Variants in ARFGEF3 observed in about 807,000 individuals in gnomAD.
ARFGEF3 encodes ARFGEF family member 3, also known as brefeldin A-inhibited guanine nucleotide-exchange protein 3.
Under a neutral mutation model 221.7 loss-of-function variants are expected in ARFGEF3, and 96 were observed. That is an observed-to-expected ratio of 0.43 (90% CI 0.37 to 0.51). The LOEUF (loss-of-function observed/expected upper bound fraction) is 0.51. ARFGEF3 is among the 20% of genes least tolerant of loss of function. The pLI is 0.00. For missense variants in ARFGEF3, 2,410 were observed against 2,789.9 expected (o/e 0.86, Z 3.07); for synonymous variants, 1,145 against 1,126.8 (o/e 1.02, Z -0.32).
rs1324999674 is a variant in ARFGEF3 at position 138,323,990 on chromosome 6, T to G, written c.4870-33T>G. 2.5e-6 allele frequency: 4 copies of G among 1,606,532 alleles called. No individual in the cohort carries two copies. In the African/African-American group the frequency reaches 5.4e-5, roughly 22 times the overall value. On this transcript the variant is annotated intron_variant, in intron 30 of 33. Transcript: ENST00000251691. ...ACTGAGCCCGGCCCATGAACCAGGA[T>G]GCATTCAGTGAGCATCTGCTGTTTC...
At position 138,334,840 on chromosome 6, in the gene ARFGEF3, T is replaced by G. The variant is rs1388646958; in HGVS notation, c.5994T>G (p.Asp1998Glu). 6.3e-7 allele frequency: 1 copy of G among 1,597,704 alleles called. No individual in the cohort carries two copies. The highest frequency in any genetic ancestry group is 8.5e-7 in the Non-Finnish European group (1 of 1,172,740). ...CCAGCCCCAAAGTGGAGAAGAAGGA[T>G]CCCAGCCGGAAGAAGGAGTGGTGGG... Reference protein sequence around the residue: ...LPPSPKVEKKDPSRKKEWWEN... With the variant: ...LPPSPKVEKKEPSRKKEWWEN... The change falls in exon 33 of 34, where the codon GAT becomes GAG. Residue 1998 changes from aspartate (D) to glutamate (E), a missense_variant. Transcript: ENST00000251691. The surrounding 1 kb of genome is among the most constrained non-coding windows in gnomAD (Gnocchi z 5.1).
chr6:138,335,558 AAAT>A (rs1272725583), intron 33 of ARFGEF3, among the ~76,000 whole-genome samples: 1 of 147,096 alleles, frequency 6.8e-6, no homozygotes, highest in Admixed American at 6.7e-5. Context: ...AAAAAAAAAA[AAAT>A]TAGCTGGGAG....
Position 138,291,334 on chromosome 6 carries a change from G to T in ARFGEF3, c.3048-399G>T, listed in dbSNP as rs975786468. 6.6e-6 allele frequency among the ~76,000 whole-genome samples: 1 copy of T among 152,132 alleles called. No homozygotes were observed. The highest frequency in any genetic ancestry group is 1.5e-5 in the Non-Finnish European group (1 of 68,012). On this transcript the variant is annotated intron_variant, in intron 18 of 33. Transcript: ENST00000251691. The surrounding 1 kb of genome is among the most constrained non-coding windows in gnomAD (Gnocchi z 4.5). ...TTCTGGGATCCCATCGTAGGGAAAC[G>T]CTTCCCAACTCCTAATCAGAGCACT...
At position 138,284,269 on chromosome 6, in the gene ARFGEF3, T is replaced by C. The variant is rs142172798; in HGVS notation, c.2462-1677T>C. Reference sequence around the variant, plus strand: ...GCAGTGAGCTGAGATTGTGCCACTGTACCCCAGCCTGGGTGACAGAGTGAG... The same window carrying C: ...GCAGTGAGCTGAGATTGTGCCACTGCACCCCAGCCTGGGTGACAGAGTGAG... On this transcript the variant is annotated intron_variant, in intron 14 of 33. Coordinates refer to ENST00000251691, the MANE Select transcript of ARFGEF3 (RefSeq NM_020340.5). Among the ~76,000 whole-genome samples the C allele has an allele frequency of 8.8e-3, 1,345 of 152,214 alleles. 16 individuals are homozygous for C. Among genetic ancestry groups the C allele is most frequent in the South Asian group, 0.029 (141 of 4,816 alleles).
At chr6:138,316,980 C>A (rs1371694981) in intron 26 of ARFGEF3, among the ~76,000 whole-genome samples, 1 of 152,208 alleles carries the variant, frequency 6.6e-6, no homozygotes, top group African/African-American at 2.4e-5. Flanking sequence ...ACCTGACAGC[C>A]ATTTCAAGAT....
intron 4 of ARFGEF3, among the ~76,000 whole-genome samples, chr6:138,213,784 C>A (rs1777781393): frequency 6.6e-6 from 1 of 151,986 alleles, no homozygotes; most frequent in East Asian, 1.9e-4. Context: ...CACAACAAAC[C>A]TAGCCTGAAG....
At chr6:138,331,496 C>T (rs1780226737) in intron 32 of ARFGEF3, among the ~76,000 whole-genome samples, 3 of 152,210 alleles carry the variant, frequency 2.0e-5, no homozygotes, top group Non-Finnish European at 4.4e-5. Flanking sequence ...CAGATTACAG[C>T]ATTTAAATAG....
chr6:138,319,612 G>A, intron 27 of ARFGEF3, 91 bp from the exon 28 acceptor site: 2 of 850,408 alleles, frequency 2.4e-6, no homozygotes, highest in Non-Finnish European at 3.6e-6. Context: ...GCAAATGTAG[G>A]GATCCTTCCA....
intron 23 of ARFGEF3, 116 bp from the exon 24 acceptor site, chr6:138,308,623 C>T (rs1779769656): frequency 8.7e-7 from 1 of 1,148,478 alleles, no homozygotes; most frequent in Non-Finnish European, 1.3e-6. Context: ...AGGCATCTCC[C>T]CAGTAGATCT....
At chr6:138,181,536 C>T (rs749822462) in intron 2 of ARFGEF3, among the ~76,000 whole-genome samples, 3 of 152,260 alleles carry the variant, frequency 2.0e-5, no homozygotes, top group Admixed American at 6.5e-5. Context: ...CTCTGTCTCC[C>T]GGGTTCAAGC....
At chr6:138,322,458 A>G (rs1412756962) in intron 29 of ARFGEF3, among the ~76,000 whole-genome samples, 2 of 152,208 alleles carry the variant, frequency 1.3e-5, no homozygotes, top group Non-Finnish European at 2.9e-5. Context: ...AAACTGTATC[A>G]GTGTCCATCA....
chr6:138,311,462 C>T lies in ARFGEF3; in HGVS notation c.4152C>T (p.Ser1384=). The T allele has an allele frequency of 5.6e-6, 9 of 1,608,566 alleles. No homozygotes were observed. The highest frequency in any genetic ancestry group is 1.3e-5 in the African/African-American group (1 of 74,992). The change falls in exon 25 of 34, where the codon TCC becomes TCT. Residue 1384 remains serine, a synonymous_variant. Coordinates refer to ENST00000251691, the MANE Select transcript of ARFGEF3 (RefSeq NM_020340.5). ...GDCAPAPGAP[S]TDLCLPALDY... ...GTGCCCCAGCACCCGGAGCCCCGTC[C>T]ACAGACCTGTGCCTCCCGGCCCTGG...
chr6:138,235,563 C>CTA (rs1778269644), intron 5 of ARFGEF3, among the ~76,000 whole-genome samples: 1 of 152,174 alleles, frequency 6.6e-6, no homozygotes, highest in Non-Finnish European at 1.5e-5. Context: ...CTCTTAGCTG[C>CTA]TATGATTCAG....
At chr6:138,179,533 T>G (rs1358147609) in intron 2 of ARFGEF3, among the ~76,000 whole-genome samples, 1 of 152,146 alleles carries the variant, frequency 6.6e-6, no homozygotes, top group East Asian at 1.9e-4. Context: ...GCCTGGCCCT[T>G]TGCTTCATTT....
chr6:138,231,206 G>T (rs1385461265), intron 5 of ARFGEF3, among the ~76,000 whole-genome samples: 1 of 152,170 alleles, frequency 6.6e-6, no homozygotes, highest in African/African-American at 2.4e-5. Context: ...CACGAGTGAA[G>T]GGTGTTCACT....
intron 2 of ARFGEF3, among the ~76,000 whole-genome samples, chr6:138,186,902 CTTTTTTTTT>C (rs71693484): frequency 2.4e-4 from 18 of 76,046 alleles, no homozygotes; most frequent in East Asian, 3.5e-4. Context: ...CATCCTTTTT[CTTTTTTTTT>C]TTTTTTTTTT....
intron 22 of ARFGEF3, among the ~76,000 whole-genome samples, chr6:138,306,930 T>A (rs376092985): frequency 6.7e-4 from 97 of 144,766 alleles, no homozygotes; most frequent in African/African-American, 2.3e-3. Context: ...GCAAATTATA[T>A]CTTGGGAATA....
chr6:138,278,418 C>T, intron 12 of ARFGEF3, 33 bp from the exon 13 acceptor site: 11 of 1,606,860 alleles, frequency 6.8e-6, no homozygotes, highest in South Asian at 2.2e-5. Context: ...ACACTGTTCA[C>T]ACCCCCAAAA....
intron 15 of ARFGEF3, 23 bp downstream of exon 15, chr6:138,286,076 T>A: frequency 7.6e-7 from 1 of 1,318,308 alleles, no homozygotes; most frequent in Non-Finnish European, 1.1e-6. Flanking sequence ...GTCTTGAGTT[T>A]ATGAACATCC....
Sources: gnomAD v4.1 joint callset for allele counts (sites outside exome capture counted in the v4.1 genomes callset) on GRCh38, gnomAD v4.1.1 for gene constraint, Gnocchi (gnomAD v3.1) non-coding constraint, MANE v1.5 for transcripts, NCBI Gene and HGNC (gene_info 2026-07-23, HGNC 2026-07-21) for gene names.